The following KCND2 variants were observed in gnomAD, a reference collection of about 807,000 sequenced individuals.
KCND2 encodes the protein A-type voltage-gated potassium channel KCND2.
Under a neutral mutation model 54.4 loss-of-function variants are expected in KCND2, and 16 were observed. That is an observed-to-expected ratio of 0.29 (90% confidence interval 0.20 to 0.45). The LOEUF (loss-of-function observed/expected upper bound fraction) is 0.45, where lower values mean the gene tolerates loss of function less well. Among genes scored for constraint, KCND2 ranks in the 20% least tolerant of loss-of-function variants. KCND2 has a pLI of 1.00. For synonymous variants in KCND2, 317 were observed against 310.7 expected, an observed-to-expected ratio of 1.02 and a Z score of -0.21; for missense variants, 486 against 824.2, an observed-to-expected ratio of 0.59 and a Z score of 5.02.
intron 1 of KCND2, among the ~76,000 whole-genome samples, chr7:120,559,912 G>A (rs1002136863): frequency 6.6e-6 from 1 of 152,144 alleles, no homozygotes; most frequent in African/African-American, 2.4e-5. Context: ...CATATTGTGA[G>A]AAATCCACCG....
chr7:120,368,205 A>G (rs1357030376), intron 1 of KCND2, among the ~76,000 whole-genome samples: 3 of 152,030 alleles, frequency 2.0e-5, no homozygotes, highest in Non-Finnish European at 4.4e-5. Flanking sequence ...TAATAATTTT[A>G]TTTATATTAC....
At chr7:120,589,315 T>C (rs1792641267) in intron 1 of KCND2, among the ~76,000 whole-genome samples, 2 of 152,158 alleles carry the variant, frequency 1.3e-5, no homozygotes, top group South Asian at 2.1e-4. Flanking sequence ...AACACAAGAA[T>C]AAATAAAAAT....
At chr7:120,427,890 A>G (rs1307057620) in intron 1 of KCND2, among the ~76,000 whole-genome samples, 2 of 152,102 alleles carry the variant, frequency 1.3e-5, no homozygotes, top group Non-Finnish European at 2.9e-5. Context: ...TTTTGTAGTG[A>G]TAGTATCCTT....
chr7:120,721,913 G>A (rs1045805204), intron 1 of KCND2, among the ~76,000 whole-genome samples: 5 of 152,130 alleles, frequency 3.3e-5, no homozygotes, highest in Non-Finnish European at 1.5e-5. Flanking sequence ...TGTTCTCATA[G>A]TAGTGAATAA....
chr7:120,453,986 A>G (rs956043339), intron 1 of KCND2, among the ~76,000 whole-genome samples: 1 of 152,252 alleles, frequency 6.6e-6, no homozygotes, highest in Non-Finnish European at 1.5e-5. Context: ...CAGGAGGCTG[A>G]GGCAGGAGAA....
rs776325238 is a variant in KCND2, at chr7:120,407,337, TA to T, written c.1115+131592del. On this transcript the variant is annotated intron_variant, in intron 1 of 5. Coordinates refer to ENST00000331113, the MANE Select transcript of KCND2 (RefSeq NM_012281.3). ...TAGAGAGTAAGAATGTAGAGATACA[TA>T]AGAAGTACACATTATCTTGAAAGAG... Among the ~76,000 whole-genome samples the T allele has an allele frequency of 3.9e-5, 6 of 152,076 alleles. No homozygotes were observed. The South Asian group carries it at 1.2e-3, about 32-fold the overall frequency.
At chr7:120,644,485 A>G (rs1217779927) in intron 1 of KCND2, among the ~76,000 whole-genome samples, 2 of 152,244 alleles carry the variant, frequency 1.3e-5, no homozygotes, top group African/African-American at 2.4e-5. Flanking sequence ...AACTACCAGG[A>G]AATGCCCATA....
intron 1 of KCND2, among the ~76,000 whole-genome samples, chr7:120,676,787 C>T (rs548184689): frequency 2.6e-5 from 4 of 152,154 alleles, no homozygotes; most frequent in South Asian, 4.1e-4. Context: ...TGGCCTGTTT[C>T]GAAATGTAAT....
chr7:120,597,910 G>A (rs1355141290), intron 1 of KCND2, among the ~76,000 whole-genome samples: 2 of 152,066 alleles, frequency 1.3e-5, no homozygotes, highest in African/African-American at 2.4e-5. Context: ...AGGTATCACA[G>A]CATCAGCCTT....
chr7:120,372,554 A>G (rs975178135), intron 1 of KCND2, among the ~76,000 whole-genome samples: 1 of 151,936 alleles, frequency 6.6e-6, no homozygotes, highest in Non-Finnish European at 1.5e-5. Context: ...ACATTCTCAT[A>G]GTTTTCAGAC....
chr7:120,661,180 T>C (rs1791861016), intron 1 of KCND2, among the ~76,000 whole-genome samples: 1 of 151,516 alleles, frequency 6.6e-6, no homozygotes, highest in Non-Finnish European at 1.5e-5. Context: ...ATGGATCATC[T>C]GTATTGCTCC....
intron 1 of KCND2, among the ~76,000 whole-genome samples, chr7:120,439,877 C>G (rs1801924197): frequency 6.6e-6 from 1 of 151,930 alleles, no homozygotes; most frequent in Non-Finnish European, 1.5e-5. Flanking sequence ...TTTTGTATAT[C>G]TACACTTTAT....
chr7:120,405,762 T>C (rs1175400539), intron 1 of KCND2, among the ~76,000 whole-genome samples: 4 of 152,076 alleles, frequency 2.6e-5, no homozygotes, highest in African/African-American at 9.6e-5. Context: ...TAGGACTAAT[T>C]TGTCTTTCTA....
At chr7:120,660,389 A>G (rs1296572842) in intron 1 of KCND2, among the ~76,000 whole-genome samples, 1 of 152,228 alleles carries the variant, frequency 6.6e-6, no homozygotes, top group African/African-American at 2.4e-5. Flanking sequence ...AACTAAAACA[A>G]AAGTGAATGT....
intron 1 of KCND2, among the ~76,000 whole-genome samples, chr7:120,477,678 C>T (rs1802551063): frequency 6.6e-6 from 1 of 151,946 alleles, no homozygotes; most frequent in African/African-American, 2.4e-5. Context: ...CTATATAGAA[C>T]TGCTTACACT....
intron 1 of KCND2, among the ~76,000 whole-genome samples, chr7:120,392,810 A>G (rs1383042699): frequency 6.6e-6 from 1 of 151,970 alleles, no homozygotes; most frequent in Non-Finnish European, 1.5e-5. Flanking sequence ...TTCATCTAAC[A>G]TTAATATATT....
At chr7:120,483,576 G>A (rs1315689532) in intron 1 of KCND2, among the ~76,000 whole-genome samples, 3 of 152,176 alleles carry the variant, frequency 2.0e-5, no homozygotes, top group African/African-American at 4.8e-5. Flanking sequence ...AAAGAACTCA[G>A]CAATGGTGAC....
At chr7:120,326,056 A>G (rs1319927803) in intron 1 of KCND2, among the ~76,000 whole-genome samples, 2 of 152,130 alleles carry the variant, frequency 1.3e-5, no homozygotes, top group Non-Finnish European at 2.9e-5. Context: ...TATAAATGAA[A>G]GTATTTTGGG....
At chr7:120,658,050 C>G (rs904920007) in intron 1 of KCND2, among the ~76,000 whole-genome samples, 1 of 152,150 alleles carries the variant, frequency 6.6e-6, no homozygotes, top group African/African-American at 2.4e-5. Context: ...AATTTAGCTT[C>G]TGGTCTGTAT....
Sources: gnomAD v4.1 joint callset for allele counts (sites outside exome capture counted in the v4.1 genomes callset) on GRCh38, gnomAD v4.1.1 for gene constraint, MANE v1.5 for transcripts, NCBI Gene and HGNC (gene_info 2026-07-23, HGNC 2026-07-21) for gene names.